Variants in MAK observed in about 807,000 individuals in gnomAD.
MAK encodes the protein serine/threonine-protein kinase MAK.
MAK carries 65 observed loss-of-function variants against 82.6 expected under a neutral mutation model. That is an observed-to-expected ratio of 0.79 (90% CI 0.64 to 0.97). MAK has a LOEUF of 0.97. Among genes scored for constraint, MAK ranks in the 50% least tolerant of loss-of-function variants. The pLI is 0.00. For synonymous variants in MAK, 250 were observed against 274.2 expected, an observed-to-expected ratio of 0.91 and a Z score of 0.87; for missense variants, 703 against 780.2, an observed-to-expected ratio of 0.90 and a Z score of 1.18.
At chr6:10,779,687 A>T (rs983927700) in intron 11 of MAK, among the ~76,000 whole-genome samples, 3 of 152,064 alleles carry the variant, frequency 2.0e-5, no homozygotes, top group Non-Finnish European at 2.9e-5. Context: ...TTCTTTTTTT[A>T]AATTTTTTTA....
rs746596336 is a variant in MAK, at chr6:10,802,013, C to T, written c.710G>A (p.Arg237His). 2.0e-5 allele frequency: 33 copies of T among 1,613,900 alleles called. No individual in the cohort carries two copies. The highest frequency in any genetic ancestry group is 8.9e-5 in the East Asian group (4 of 44,844). ...GYQLASSMNF[R>H]FPQCVPINLK... ...GTTTATAGGAACACACTGGGGAAAACGGAAGTTCATAGAGGATGCCAGCTG... is the reference window on the plus strand; with the variant it reads ...GTTTATAGGAACACACTGGGGAAAATGGAAGTTCATAGAGGATGCCAGCTG... Residue 237 changes from arginine to histidine, a missense_variant, in exon 8 of 15, where the codon CGT becomes CAT. Arg to His is a conservative substitution (Grantham distance 29). Transcript: ENST00000354489.
At chr6:10,801,843 T>C (rs1274791128) in intron 8 of MAK, 49 bp downstream of exon 8, 1 of 1,574,996 alleles carries the variant, frequency 6.3e-7, no homozygotes, top group Non-Finnish European at 8.7e-7. Flanking sequence ...ATCCCTGATA[T>C]TACAAAACCT....
In MAK at chr6:10,830,842, G is replaced by T. The variant is rs918029390; in HGVS notation, c.-194C>A. On this transcript the variant is annotated 5_prime_UTR_variant, in exon 2 of 15. Coordinates refer to ENST00000354489, the MANE Select transcript of MAK (RefSeq NM_001242957.3). ...TCATGAGATATAGCATGAAGGAATC[G>T]GGCAAGGAAACAACACTTCCATTCT... The T allele has an allele frequency of 3.3e-6, 2 of 614,646 alleles. No homozygotes were observed. The highest frequency in any genetic ancestry group is 3.7e-5 in the African/African-American group (2 of 54,630). The allele number at this position is 614,646 out of a possible 1,614,324, so 38.1% of individuals were successfully genotyped here.
chr6:10,830,142 T>C (rs948709262), intron 2 of MAK, among the ~76,000 whole-genome samples: 1 of 147,200 alleles, frequency 6.8e-6, no homozygotes, highest in African/African-American at 2.5e-5. Flanking sequence ...TGTGTGTGTG[T>C]GTGTGTGTGT....
chr6:10,804,404 G>A (rs555331826), intron 6 of MAK, among the ~76,000 whole-genome samples: 4 of 152,194 alleles, frequency 2.6e-5, no homozygotes, highest in Non-Finnish European at 4.4e-5. Flanking sequence ...GTGCAATGGC[G>A]CGGTCCCGGC....
At chr6:10,786,198 T>C (rs183445013) in intron 10 of MAK, among the ~76,000 whole-genome samples, 1 of 152,266 alleles carries the variant, frequency 6.6e-6, no homozygotes, top group East Asian at 1.9e-4. Flanking sequence ...TGAGCCAAGA[T>C]CGCACCACTG....
intron 14 of MAK, among the ~76,000 whole-genome samples, chr6:10,764,997 G>A (rs990438012): frequency 2.5e-4 from 38 of 151,766 alleles, no homozygotes; most frequent in Admixed American, 5.9e-4. Flanking sequence ...TCAGGAGGCT[G>A]AGGCAAGAGA....
At chr6:10,836,304 G>A (rs1156645910) in intron 1 of MAK, among the ~76,000 whole-genome samples, 2 of 152,120 alleles carry the variant, frequency 1.3e-5, no homozygotes, top group East Asian at 1.9e-4. Context: ...TACATACTGC[G>A]CTCCCTAAGA....
At chr6:10,798,043 G>A in intron 8 of MAK, 1 of 792,274 alleles carries the variant, frequency 1.3e-6, no homozygotes, top group Non-Finnish European at 1.5e-6. Context: ...AATTAATGAT[G>A]CATATTTTGG....
At chr6:10,814,847 C>T (rs913687770) in intron 4 of MAK, among the ~76,000 whole-genome samples, 4 of 151,716 alleles carry the variant, frequency 2.6e-5, no homozygotes, top group East Asian at 1.9e-4. Context: ...AGAGCAGCCT[C>T]GCCAACATGG....
At chr6:10,783,964 A>C (rs2080994432) in intron 11 of MAK, among the ~76,000 whole-genome samples, 1 of 152,182 alleles carries the variant, frequency 6.6e-6, no homozygotes, top group Non-Finnish European at 1.5e-5. Context: ...GGTTGCAGTG[A>C]GCCGAGATCA....
intron 11 of MAK, among the ~76,000 whole-genome samples, chr6:10,780,611 C>T (rs536315752): frequency 3.3e-5 from 5 of 151,964 alleles, no homozygotes; most frequent in African/African-American, 7.2e-5. Flanking sequence ...CACACCACCA[C>T]GCCCAGCTAA....
At chr6:10,808,539 C>T (rs1477252988) in intron 6 of MAK, among the ~76,000 whole-genome samples, 1 of 151,980 alleles carries the variant, frequency 6.6e-6, no homozygotes, top group Admixed American at 6.6e-5. Flanking sequence ...CTGCTGTGTT[C>T]TCTGTGCCTA....
intron 1 of MAK, among the ~76,000 whole-genome samples, chr6:10,835,514 C>A (rs1779097815): frequency 6.6e-6 from 1 of 152,248 alleles, no homozygotes. Flanking sequence ...CCTGCCTCGG[C>A]CTCCCAAAGT....
chr6:10,824,864 T>C (rs188187843), intron 2 of MAK, among the ~76,000 whole-genome samples: 3 of 152,310 alleles, frequency 2.0e-5, no homozygotes, highest in East Asian at 1.9e-4. Context: ...CCGCCAGTTA[T>C]GTCATATTCC....
At chr6:10,816,821 A>T (rs1195540248) in intron 4 of MAK, among the ~76,000 whole-genome samples, 1 of 152,164 alleles carries the variant, frequency 6.6e-6, no homozygotes, top group Non-Finnish European at 1.5e-5. Context: ...AGAATATATT[A>T]TTTATAACTA....
intron 11 of MAK, among the ~76,000 whole-genome samples, chr6:10,781,559 GA>G (rs1264653867): frequency 6.6e-6 from 1 of 151,680 alleles, no homozygotes; most frequent in Non-Finnish European, 1.5e-5. Context: ...GAGTAGCTGG[GA>G]TTACAGGCAC....
At chr6:10,769,285 T>C (rs1371697533) in intron 14 of MAK, among the ~76,000 whole-genome samples, 2 of 152,246 alleles carry the variant, frequency 1.3e-5, no homozygotes, top group African/African-American at 4.8e-5. Context: ...TGATTGGCTT[T>C]AATGTTTATT....
chr6:10,814,709 A>G (rs1242894100), intron 4 of MAK, among the ~76,000 whole-genome samples: 2 of 151,874 alleles, frequency 1.3e-5, no homozygotes, highest in Admixed American at 1.3e-4. Context: ...AGATATAAAT[A>G]AATGCTTCAG....
Sources: allele counts gnomAD v4.1 joint callset (sites outside exome capture counted in the v4.1 genomes callset), GRCh38; gene constraint gnomAD v4.1.1; transcripts MANE v1.5; gene names NCBI Gene and HGNC (gene_info 2026-07-23, HGNC 2026-07-21).